The following PRR14L variants were observed in gnomAD, a reference collection of about 807,000 sequenced individuals.
PRR14L encodes proline rich 14 like.
A neutral mutation model predicts 155.0 loss-of-function variants in PRR14L; 80 were observed. That is an observed-to-expected ratio of 0.52 (90% CI 0.43 to 0.62). The LOEUF (loss-of-function observed/expected upper bound fraction) is 0.62. Ranked by LOEUF, PRR14L falls within the 20% of genes least tolerant of loss-of-function variation. PRR14L has a pLI of 0.00. For missense variants in PRR14L, 2,469 were observed against 2,548.0 expected, an observed-to-expected ratio of 0.97 and a Z score of 0.67; for synonymous variants, 883 against 916.0, an observed-to-expected ratio of 0.96 and a Z score of 0.65.
At position 31,703,610 on chromosome 22, in the gene PRR14L, C is replaced by A; in HGVS notation, c.5940G>T (p.Glu1980Asp). The A allele has an allele frequency of 1.2e-6, 2 of 1,613,984 alleles. No homozygotes were observed. Among genetic ancestry groups the A allele is most frequent in the Non-Finnish European group, 1.7e-6 (2 of 1,179,938 alleles). The change falls in exon 6 of 9, where the codon GAG (glutamate) becomes GAT (aspartate). Residue 1980 changes from glutamate (E) to aspartate (D), a missense_variant. By Grantham distance (45) the Glu-to-Asp change is conservative (BLOSUM62 2). This residue lies in a region of PRR14L where 2,363 missense variants were observed against 2,371.6 expected (regional missense o/e 1.00). Transcript: ENST00000327423. ...GGCATGCTGCTTTCACACCATCCAG[C>A]TCATCCAATCCACGAACCTGGAACT... Reference protein sequence around the residue: ...ASEFQVRGLDELDGVKAACPC... With the variant: ...ASEFQVRGLDDLDGVKAACPC...
intron 6 of PRR14L, among the ~76,000 whole-genome samples, chr22:31,703,012 T>G (rs2147857770): frequency 6.8e-6 from 1 of 146,558 alleles, no homozygotes; most frequent in Admixed American, 6.8e-5. Context: ...GACACAGTTT[T>G]GCCAGGTTGC....
At chr22:31,688,820 G>A (rs1031818237) in intron 7 of PRR14L, among the ~76,000 whole-genome samples, 1 of 150,152 alleles carries the variant, frequency 6.7e-6, no homozygotes, top group Admixed American at 6.7e-5. Flanking sequence ...TTTAGAGATG[G>A]GGTCTTGCTC....
At chr22:31,733,392 C>CCTTCCACCTTCCGT in intron 2 of PRR14L, among the ~76,000 whole-genome samples, 1 of 149,470 alleles carries the variant, frequency 6.7e-6, no homozygotes, top group Non-Finnish European at 1.5e-5. Flanking sequence ...GCAACCTCCG[C>CCTTCCACCTTCCGT]CTTTGGGGTT....
At chr22:31,686,255 C>G (rs894159746) in intron 8 of PRR14L, among the ~76,000 whole-genome samples, 1 of 150,512 alleles carries the variant, frequency 6.6e-6, no homozygotes, top group East Asian at 1.9e-4. Flanking sequence ...CCCACCACCA[C>G]GCCCGGCTAA....
At chr22:31,723,988 C>T (rs1342229969) in intron 3 of PRR14L, among the ~76,000 whole-genome samples, 2 of 152,212 alleles carry the variant, frequency 1.3e-5, no homozygotes, top group African/African-American at 4.8e-5. Flanking sequence ...CTCATGCTTG[C>T]ATTACTGCCT....
In PRR14L at chr22:31,712,161, G is replaced by A; in HGVS notation, c.5678C>T (p.Pro1893Leu). The change falls in exon 4 of 9, where the codon CCT (proline) becomes CTT (leucine). Residue 1893 changes from proline to leucine, a missense_variant. This residue lies in a region of PRR14L where 2,363 missense variants were observed against 2,371.6 expected (regional missense o/e 1.00). Transcript: ENST00000327423. ...AGAGATTTCGAAGGAGCAGACAGAA[G>A]GACCATGCTGGCTCCAAATGGATAG... ...RVLSIWSQHGPSVCSFEISSL... is the reference protein window; with the variant it reads ...RVLSIWSQHGLSVCSFEISSL... The A allele has an allele frequency of 6.2e-7, 1 of 1,614,136 alleles. No homozygotes were observed. The highest frequency in any genetic ancestry group is 8.5e-7 in the Non-Finnish European group (1 of 1,180,020).
intron 3 of PRR14L, among the ~76,000 whole-genome samples, chr22:31,724,581 A>G (rs969363715): frequency 4.6e-5 from 7 of 152,198 alleles, no homozygotes; most frequent in African/African-American, 1.7e-4. Context: ...CATTTTTTGT[A>G]GAGAAGGGGT....
intron 1 of PRR14L, among the ~76,000 whole-genome samples, chr22:31,746,533 T>C (rs984413455): frequency 1.3e-5 from 2 of 152,196 alleles, no homozygotes; most frequent in African/African-American, 4.8e-5. Context: ...ACCAGATAAT[T>C]ACCTAGTTTG....
rs1330132452 is a variant in PRR14L at position 31,713,414 on chromosome 22, T to C, written c.4425A>G (p.Pro1475=). The change falls in exon 4 of 9, where the codon CCA becomes CCG. Residue 1475 remains proline, a synonymous_variant. Transcript: ENST00000327423. ...TGCATGACTCAGTGTCCTTCCTTAA[T>C]GGATGATGTAACCTTTCCTCCTTCT... ...EDQKEERLHH[P]LRKDTESCTS... 2.6e-6 allele frequency: 4 copies of C among 1,551,936 alleles called. No homozygotes were observed. The highest frequency in any genetic ancestry group is 3.5e-6 in the Non-Finnish European group (4 of 1,147,068).
chr22:31,704,818 G>T, intron 4 of PRR14L, 92 bp from the exon 5 acceptor site: 2 of 863,410 alleles, frequency 2.3e-6, no homozygotes, highest in Non-Finnish European at 3.8e-6. Flanking sequence ...GCACATGATA[G>T]CCCCAAGAAG....
chr22:31,739,401 T>C (rs1313350946), intron 1 of PRR14L, among the ~76,000 whole-genome samples: 2 of 152,214 alleles, frequency 1.3e-5, no homozygotes, highest in Non-Finnish European at 2.9e-5. Context: ...TTTTCCTCTT[T>C]GAGGGAGGAT....
intron 7 of PRR14L, among the ~76,000 whole-genome samples, chr22:31,689,098 AT>A (rs1377938496): frequency 4.6e-5 from 7 of 152,198 alleles, no homozygotes; most frequent in African/African-American, 1.7e-4. Context: ...AAGTATCATT[AT>A]TAACTATTGG....
intron 1 of PRR14L, 132 bp from the exon 2 acceptor site, chr22:31,739,043 A>G: frequency 1.9e-6 from 1 of 527,130 alleles, no homozygotes; most frequent in Non-Finnish European, 3.4e-6. Flanking sequence ...GGCACCAAAA[A>G]TTTCTCCTTA....
chr22:31,701,579 C>A (rs141404744), intron 7 of PRR14L, 77 bp downstream of exon 7: 25 of 806,672 alleles, frequency 3.1e-5, no homozygotes, highest in African/African-American at 2.8e-4. Context: ...AGTGTAGGAC[C>A]ATTTAAAGGG....
At chr22:31,691,661 G>A (rs936791497) in intron 7 of PRR14L, among the ~76,000 whole-genome samples, 2 of 152,136 alleles carry the variant, frequency 1.3e-5, no homozygotes, top group African/African-American at 4.8e-5. Flanking sequence ...GAATCATATA[G>A]AATGTGCTGT....
intron 6 of PRR14L, among the ~76,000 whole-genome samples, chr22:31,703,268 T>G (rs2074572339): frequency 6.6e-6 from 1 of 152,242 alleles, no homozygotes; most frequent in African/African-American, 2.4e-5. Flanking sequence ...ACTCATCTTC[T>G]TTGAATGCAC....
At chr22:31,743,802 GA>G (rs552902262) in intron 1 of PRR14L, among the ~76,000 whole-genome samples, 213 of 120,044 alleles carry the variant, frequency 1.8e-3, no homozygotes, top group Middle Eastern at 4.3e-3. Context: ...ACCCTGCCTC[GA>G]AAAAAAAAAA....
In PRR14L at chr22:31,713,372, A is replaced by G; in HGVS notation, c.4467T>C (p.Leu1489=). Residue 1489 remains leucine, a synonymous_variant, in exon 4 of 9, where the codon CTT becomes CTC. Coordinates refer to ENST00000327423, the MANE Select transcript of PRR14L (RefSeq NM_173566.3). The part of the protein sequence containing the change: ...DTESCTSPCL[L]GAPRKAQDPS... ...GGTCTTGTGCTTTCCGAGGGGCACCAAGAAGGCAAGGACTTGTGCATGACT... is the reference window on the plus strand; with the variant it reads ...GGTCTTGTGCTTTCCGAGGGGCACCGAGAAGGCAAGGACTTGTGCATGACT... The G allele has an allele frequency of 6.4e-7, 1 of 1,552,090 alleles. No homozygotes were observed. Among genetic ancestry groups the G allele is most frequent in the Non-Finnish European group, 8.7e-7 (1 of 1,147,080 alleles).
Position 31,712,631 on chromosome 22 carries a change from C to A in PRR14L, c.5208G>T (p.Arg1736Ser). The A allele has an allele frequency of 6.4e-7, 1 of 1,551,722 alleles. No homozygotes were observed. Among genetic ancestry groups the A allele is most frequent in the Non-Finnish European group, 8.7e-7 (1 of 1,146,998 alleles). The change falls in exon 4 of 9, where the codon AGG (arginine) becomes AGT (serine). Residue 1736 changes from arginine to serine, a missense_variant. Transcript: ENST00000327423. ...CCGGAGCACAGTGCTCAGGAAAAGT[C>A]CTTGAGGACTCAGTCGTGCAATCTG... Reference protein sequence around the residue: ...SSSDCTTESSRTFPEHCAPAR... With the variant: ...SSSDCTTESSSTFPEHCAPAR...
Sources: gnomAD v4.1 joint callset for allele counts (sites outside exome capture counted in the v4.1 genomes callset) on GRCh38, gnomAD v4.1.1 for gene constraint, gnomAD v4.1.1 regional missense constraint, MANE v1.5 for transcripts, NCBI Gene and HGNC (gene_info 2026-07-23, HGNC 2026-07-21) for gene names.